The following GNB4 variants were observed in gnomAD, a reference collection of about 807,000 sequenced individuals.
GNB4 encodes the protein guanine nucleotide-binding protein subunit beta-4.
A neutral mutation model predicts 45.2 loss-of-function variants in GNB4; 28 were observed. That is an observed-to-expected ratio of 0.62 (90% CI 0.46 to 0.85). The LOEUF is 0.85. Ranked by LOEUF, GNB4 falls within the 40% of genes least tolerant of loss-of-function variation. The pLI, the probability that GNB4 is intolerant of heterozygous loss-of-function variation, is 0.00. For synonymous variants in GNB4, 132 were observed against 143.7 expected (o/e 0.92, Z 0.58); for missense variants, 321 against 425.4 (o/e 0.75, Z 2.16).
At chr3:179,518,841 A>G in the GNB4 span, among the ~76,000 whole-genome samples, 191 of 152,320 alleles carry the variant, frequency 1.3e-3, 2 homozygotes, top group African/African-American at 4.5e-3. Context: ...TCAGAAGGCC[A>G]TCTTATTCTC....
intron 2 of GNB4, among the ~76,000 whole-genome samples, chr3:179,424,442 C>A (rs1715085996): frequency 1.3e-5 from 2 of 152,206 alleles, no homozygotes; most frequent in South Asian, 4.1e-4. Flanking sequence ...CCTAAGATTT[C>A]AACTCATAAT....
At chr3:179,433,665 C>A (rs1715369253) in intron 1 of GNB4, among the ~76,000 whole-genome samples, 1 of 147,634 alleles carries the variant, frequency 6.8e-6, no homozygotes. Flanking sequence ...CACAAGGTAT[C>A]TATGATGAGA....
the GNB4 span, among the ~76,000 whole-genome samples, chr3:179,484,062 G>A: frequency 1.2e-4 from 19 of 152,212 alleles, no homozygotes; most frequent in African/African-American, 2.9e-4. Context: ...TTGTCTCAGC[G>A]TCTTGATCTC....
upstream of GNB4, among the ~76,000 whole-genome samples, chr3:179,453,796 A>G (rs553624446): frequency 1.3e-5 from 2 of 152,186 alleles, no homozygotes; most frequent in African/African-American, 4.8e-5. Context: ...AAACGAATCT[A>G]CTTCCAAGAA....
chr3:179,451,576 G>A (rs1023241083), upstream of GNB4: 2 of 150,298 alleles, frequency 1.3e-5, no homozygotes, highest in Non-Finnish European at 3.0e-5. Flanking sequence ...CGGGCCCGGC[G>A]GGGACGTGCC....
chr3:179,493,172 CA>C, the GNB4 span, among the ~76,000 whole-genome samples: 1 of 152,042 alleles, frequency 6.6e-6, no homozygotes, highest in African/African-American at 2.4e-5. Context: ...CTCAAAAAGA[CA>C]AGGGAACATG....
At chr3:179,478,494 A>T in the GNB4 span, among the ~76,000 whole-genome samples, 1 of 151,946 alleles carries the variant, frequency 6.6e-6, no homozygotes, top group Non-Finnish European at 1.5e-5. Flanking sequence ...CATTTTACTA[A>T]GGTTTTGCTG....
At position 179,413,517 on chromosome 3, in the gene GNB4, A is replaced by C. The variant is rs768745441; in HGVS notation, c.594T>G (p.Thr198=). The stretch of plus-strand genomic sequence containing the variant: ...AGGCATCACAAGCACCAGAAACAAA[A>C]GTCCTCATGTCAGGACTCAAAGAAA... The part of the protein sequence containing the change: ...MSLSLSPDMR[T]FVSGACDASS... The change falls in exon 8 of 10, where the codon ACT becomes ACG. Residue 198 remains threonine, a synonymous_variant. Coordinates refer to ENST00000232564, the MANE Select transcript of GNB4 (RefSeq NM_021629.4). 11 of 1,614,198 alleles carry C rather than the reference A, an allele frequency of 6.8e-6. No individual in the cohort carries two copies. The highest frequency in any genetic ancestry group is 9.3e-6 in the Non-Finnish European group (11 of 1,180,004).
the GNB4 span, among the ~76,000 whole-genome samples, chr3:179,467,218 G>A: frequency 2.0e-5 from 3 of 152,046 alleles, no homozygotes; most frequent in African/African-American, 7.2e-5. Context: ...TCACTATGTT[G>A]CCCAGGCTGG....
chr3:179,445,836 C>T (rs777774210), intron 1 of GNB4, among the ~76,000 whole-genome samples: 1 of 152,110 alleles, frequency 6.6e-6, no homozygotes, highest in Non-Finnish European at 1.5e-5. Flanking sequence ...GGAGTTTGTC[C>T]TTACCCAGTA....
At chr3:179,420,257 T>C (rs181465509) in intron 3 of GNB4, among the ~76,000 whole-genome samples, 2 of 149,852 alleles carry the variant, frequency 1.3e-5, no homozygotes, top group Admixed American at 1.3e-4. Flanking sequence ...GCCTACCAAG[T>C]AGCTGGGATT....
At chr3:179,502,183 C>T in the GNB4 span, among the ~76,000 whole-genome samples, 1 of 150,922 alleles carries the variant, frequency 6.6e-6, no homozygotes, top group African/African-American at 2.4e-5. Context: ...TTTCTTTATG[C>T]CACATGTTTC....
rs762556651 is a variant in GNB4 at position 179,426,079 on chromosome 3, T to C, written c.57+65A>G. ...CATTTAATATAGACTGATAAACTAA[T>C]AGGCAAATTTTGTAGATTCCTGGTA... On this transcript the variant is annotated intron_variant, in intron 2 of 9. Transcript: ENST00000232564. 41 of 1,267,296 alleles carry C rather than the reference T, an allele frequency of 3.2e-5. No individual in the cohort carries two copies. The East Asian group carries it at 4.7e-4, about 14-fold the overall frequency. 78.5% of individuals were successfully genotyped at this position (1,267,296 alleles called of 1,614,324 possible).
At chr3:179,478,299 G>A in the GNB4 span, among the ~76,000 whole-genome samples, 1 of 152,114 alleles carries the variant, frequency 6.6e-6, no homozygotes, top group African/African-American at 2.4e-5. Flanking sequence ...TTCAAAATGA[G>A]TTTTGGAGGA....
chr3:179,443,080 G>A (rs1440182981), intron 1 of GNB4, among the ~76,000 whole-genome samples: 1 of 152,028 alleles, frequency 6.6e-6, no homozygotes, highest in African/African-American at 2.4e-5. Flanking sequence ...ATGACAACTG[G>A]GGATATCAGA....
intron 1 of GNB4, among the ~76,000 whole-genome samples, chr3:179,439,844 C>T (rs1715553207): frequency 6.6e-6 from 1 of 152,214 alleles, no homozygotes; most frequent in African/African-American, 2.4e-5. Flanking sequence ...CATAGACCTG[C>T]CTCCCAGGCA....
At chr3:179,405,764 A>G (rs527306557) in intron 8 of GNB4, 145 of 173,214 alleles carry the variant, frequency 8.4e-4, no homozygotes, top group Admixed American at 4.4e-3. Flanking sequence ...TGGCAAGGAG[A>G]TAAAAGGTCC....
At chr3:179,506,284 G>A in the GNB4 span, among the ~76,000 whole-genome samples, 1 of 152,108 alleles carries the variant, frequency 6.6e-6, no homozygotes, top group Non-Finnish European at 1.5e-5. Context: ...GCTGCAATGA[G>A]CTGAGATTGT....
At chr3:179,505,170 G>A in the GNB4 span, among the ~76,000 whole-genome samples, 2 of 152,112 alleles carry the variant, frequency 1.3e-5, no homozygotes, top group Admixed American at 6.5e-5. Flanking sequence ...ATACCAATAC[G>A]GCATCAGTAA....
Sources: gnomAD v4.1 joint callset for allele counts (sites outside exome capture counted in the v4.1 genomes callset) on GRCh38, gnomAD v4.1.1 for gene constraint, MANE v1.5 for transcripts, NCBI Gene and HGNC (gene_info 2026-07-23, HGNC 2026-07-21) for gene names.